The following PLCB1 variants were observed in gnomAD, a reference collection of about 807,000 sequenced individuals.
PLCB1 encodes the protein 1-phosphatidylinositol 4,5-bisphosphate phosphodiesterase beta-1.
PLCB1 carries 46 observed loss-of-function variants against 161.8 expected under a neutral mutation model. That is an observed-to-expected ratio of 0.28 (90% CI 0.22 to 0.36). The LOEUF (loss-of-function observed/expected upper bound fraction) is 0.36, where lower values mean the gene tolerates loss of function less well. PLCB1 is among the 10% of genes least tolerant of loss of function. PLCB1 has a pLI of 1.00. For synonymous variants in PLCB1, 517 were observed against 503.7 expected, an observed-to-expected ratio of 1.03 and a Z score of -0.35; for missense variants, 1,016 against 1,472.5, an observed-to-expected ratio of 0.69 and a Z score of 5.07.
chr20:8,454,417 A>G (rs1167063023), intron 3 of PLCB1, among the ~76,000 whole-genome samples: 2 of 152,160 alleles, frequency 1.3e-5, no homozygotes, highest in Non-Finnish European at 2.9e-5. Context: ...ACTGGCTGCT[A>G]TGTGGGGAAT....
At chr20:8,257,091 G>A (rs1205562364) in intron 2 of PLCB1, among the ~76,000 whole-genome samples, 1 of 152,114 alleles carries the variant, frequency 6.6e-6, no homozygotes, top group Non-Finnish European at 1.5e-5. Context: ...TGTCTCCAGA[G>A]ATACCTCTAA....
intron 3 of PLCB1, among the ~76,000 whole-genome samples, chr20:8,624,805 TG>T (rs998192969): frequency 1.3e-5 from 2 of 152,216 alleles, no homozygotes; most frequent in Admixed American, 6.5e-5. Context: ...AGTCTTTATT[TG>T]GTAGCACTTA....
chr20:8,311,535 A>G (rs1007041918), intron 2 of PLCB1, among the ~76,000 whole-genome samples: 10 of 152,332 alleles, frequency 6.6e-5, no homozygotes, highest in Admixed American at 4.6e-4. Context: ...GAGAAAAGGC[A>G]TCTGTGATTG....
intron 3 of PLCB1, among the ~76,000 whole-genome samples, chr20:8,387,704 C>A (rs541202191): frequency 6.6e-6 from 1 of 152,104 alleles, no homozygotes; most frequent in South Asian, 2.1e-4. Context: ...CTGCAAAGCA[C>A]AATGAAGCAA....
chr20:8,722,450 G>T (rs764256801), intron 15 of PLCB1, 29 bp downstream of exon 15: 1 of 1,544,714 alleles, frequency 6.5e-7, no homozygotes, highest in African/African-American at 1.4e-5. Context: ...TGGTCCCTAA[G>T]GCATTCCACC....
intron 2 of PLCB1, among the ~76,000 whole-genome samples, chr20:8,356,416 TAACCA>T (rs1306454133): frequency 6.6e-6 from 1 of 152,148 alleles, no homozygotes. Context: ...TTCTAGCGAG[TAACCA>T]GATGATGTGA....
intron 3 of PLCB1, among the ~76,000 whole-genome samples, chr20:8,411,558 T>C (rs1979044243): frequency 6.6e-6 from 1 of 152,174 alleles, no homozygotes; most frequent in South Asian, 2.1e-4. Flanking sequence ...TAGACTTTTA[T>C]TGGGCTTCTG....
intron 3 of PLCB1, among the ~76,000 whole-genome samples, chr20:8,618,823 G>C (rs945200865): frequency 6.6e-6 from 1 of 152,098 alleles, no homozygotes; most frequent in Non-Finnish European, 1.5e-5. Context: ...ACCTTATCAA[G>C]GCTTTGAATT....
chr20:8,196,666 A>C (rs1044558900), intron 2 of PLCB1, among the ~76,000 whole-genome samples: 43 of 146,604 alleles, frequency 2.9e-4, no homozygotes, highest in Admixed American at 2.7e-3. Context: ...ATATATATAA[A>C]ATATATATAT....
chr20:8,568,014 A>G (rs1986395191), intron 3 of PLCB1, among the ~76,000 whole-genome samples: 1 of 152,186 alleles, frequency 6.6e-6, no homozygotes, highest in African/African-American at 2.4e-5. Context: ...AAGGACATTG[A>G]TATATAGTTG....
intron 3 of PLCB1, among the ~76,000 whole-genome samples, chr20:8,504,954 C>A (rs184820324): frequency 6.6e-6 from 1 of 152,248 alleles, no homozygotes; most frequent in Non-Finnish European, 1.5e-5. Context: ...TGCAGCTTGA[C>A]CTCCTGGGCT....
intron 2 of PLCB1, among the ~76,000 whole-genome samples, chr20:8,290,113 A>G (rs1038016148): frequency 1.3e-5 from 2 of 152,332 alleles, no homozygotes; most frequent in African/African-American, 4.8e-5. Context: ...AGGCAGCTGT[A>G]TCATAGTTTA....
intron 2 of PLCB1, among the ~76,000 whole-genome samples, chr20:8,259,337 C>T (rs6140568): frequency 0.075 from 11,440 of 152,170 alleles, 517 homozygotes; most frequent in East Asian, 0.16. Context: ...TCTCTGCTGG[C>T]TGGGCATGGT....
chr20:8,637,248 G>C (rs1988791249), intron 4 of PLCB1, among the ~76,000 whole-genome samples: 1 of 152,190 alleles, frequency 6.6e-6, no homozygotes, highest in Non-Finnish European at 1.5e-5. Context: ...CCAATGAAAA[G>C]CTGGCACTAA....
chr20:8,418,810 CTA>C (rs1568668672), intron 3 of PLCB1, among the ~76,000 whole-genome samples: 1 of 152,154 alleles, frequency 6.6e-6, no homozygotes, highest in Non-Finnish European at 1.5e-5. Context: ...TTTGTTGACT[CTA>C]ACCCAACTAT....
chr20:8,418,166 A>G (rs995521745), intron 3 of PLCB1, among the ~76,000 whole-genome samples: 1 of 152,168 alleles, frequency 6.6e-6, no homozygotes, highest in Non-Finnish European at 1.5e-5. Flanking sequence ...TTCTTTCCCA[A>G]CTGCCAACCT....
At chr20:8,406,716 T>C (rs1978802533) in intron 3 of PLCB1, among the ~76,000 whole-genome samples, 1 of 151,858 alleles carries the variant, frequency 6.6e-6, no homozygotes, top group Non-Finnish European at 1.5e-5. Context: ...ATGCAAAGAG[T>C]AAGGCTGTTC....
chr20:8,737,851 G>A (rs1029950070), intron 20 of PLCB1, among the ~76,000 whole-genome samples: 4 of 152,048 alleles, frequency 2.6e-5, no homozygotes, highest in Non-Finnish European at 5.9e-5. Context: ...CTGTGCTCTG[G>A]GATTTTTCCA....
At chr20:8,703,912 A>C (rs1357126969) in intron 11 of PLCB1, among the ~76,000 whole-genome samples, 2 of 152,236 alleles carry the variant, frequency 1.3e-5, no homozygotes, top group Admixed American at 6.5e-5. Context: ...TTCCTAAATT[A>C]GAGGAGGGGA....
Sources: allele counts gnomAD v4.1 joint callset (sites outside exome capture counted in the v4.1 genomes callset), GRCh38; gene constraint gnomAD v4.1.1; transcripts MANE v1.5; gene names NCBI Gene and HGNC (gene_info 2026-07-23, HGNC 2026-07-21).